RPL39L: variants seen among roughly 807,000 people sequenced by gnomAD.
RPL39L encodes the protein ribosomal protein L39 like.
For synonymous variants in RPL39L, 16 were observed against 20.1 expected (o/e 0.80, Z 0.55); for missense variants, 48 against 58.9 (o/e 0.81, Z 0.61).
chr3:187,122,636 T>C (rs920106610), intron 2 of RPL39L, among the ~76,000 whole-genome samples: 2 of 152,232 alleles, frequency 1.3e-5, no homozygotes, highest in African/African-American at 4.8e-5. Context: ...GCTGTGAGGC[T>C]ACCGGCTTTT....
At chr3:187,138,963 G>A (rs1481090575) in intron 1 of RPL39L, among the ~76,000 whole-genome samples, 1 of 152,190 alleles carries the variant, frequency 6.6e-6, no homozygotes, top group Non-Finnish European at 1.5e-5. Flanking sequence ...GGAGGCTAAG[G>A]CGGGAGAATC....
intron 2 of RPL39L, among the ~76,000 whole-genome samples, chr3:187,125,901 T>C (rs933253551): frequency 3.3e-5 from 5 of 152,340 alleles, no homozygotes; most frequent in African/African-American, 9.6e-5. Context: ...CTCTGCACTT[T>C]GTGAGGCTTT....
chr3:187,133,892 C>A (rs1022660902), intron 1 of RPL39L, among the ~76,000 whole-genome samples: 2 of 152,176 alleles, frequency 1.3e-5, no homozygotes, highest in Admixed American at 1.3e-4. Context: ...CAAGACCCCA[C>A]ATTACTGACC....
chr3:187,129,552 C>T (rs530749832), intron 1 of RPL39L, among the ~76,000 whole-genome samples: 1 of 152,354 alleles, frequency 6.6e-6, no homozygotes, highest in African/African-American at 2.4e-5. Context: ...GACATCCTCA[C>T]TCAGTTCTTT....
intron 1 of RPL39L, among the ~76,000 whole-genome samples, chr3:187,132,357 T>C (rs184940874): frequency 2.0e-3 from 307 of 152,368 alleles, no homozygotes; most frequent in African/African-American, 7.1e-3. Context: ...CAAAAATCTA[T>C]GAAAGATGCT....
rs1720298223 is a variant in RPL39L at position 187,121,029 on chromosome 3, T to A, written c.*116A>T. 5.2e-6 allele frequency: 6 copies of A among 1,153,494 alleles called. No homozygotes were observed. The highest frequency in any genetic ancestry group is 7.6e-6 in the Non-Finnish European group (6 of 792,072). The allele number at this position is 1,153,494 out of a possible 1,614,324, so 71.5% of individuals were successfully genotyped here. On this transcript the variant is annotated 3_prime_UTR_variant, in exon 3 of 3. Coordinates refer to ENST00000296277, the MANE Select transcript of RPL39L (RefSeq NM_052969.3). The stretch of plus-strand genomic sequence containing the variant: ...GCATACAGAAAAACAGAAAAAAATA[T>A]TCCCAGTAAAACATGTGCAACTGTC...
At chr3:187,125,143 C>T (rs1720376507) in intron 2 of RPL39L, among the ~76,000 whole-genome samples, 1 of 152,114 alleles carries the variant, frequency 6.6e-6, no homozygotes, top group South Asian at 2.1e-4. Context: ...TACGATATGT[C>T]TATAAGGAAG....
intron 1 of RPL39L, among the ~76,000 whole-genome samples, chr3:187,130,474 TG>T (rs1311626366): frequency 6.6e-6 from 1 of 152,158 alleles, no homozygotes; most frequent in Admixed American, 6.5e-5. Flanking sequence ...CTTGTGAGTC[TG>T]GTCATTTAAA....
At chr3:187,139,157 C>G (rs1292149819) in intron 1 of RPL39L, 56 bp downstream of exon 1, 1 of 152,708 alleles carries the variant, frequency 6.5e-6, no homozygotes, top group African/African-American at 2.4e-5. Flanking sequence ...CTCACGCCGC[C>G]CTGCTCGTTG....
intron 1 of RPL39L, among the ~76,000 whole-genome samples, chr3:187,128,554 T>C (rs1314815396): frequency 7.9e-5 from 12 of 152,222 alleles, no homozygotes; most frequent in African/African-American, 2.9e-4. Flanking sequence ...CTGTTGTCCA[T>C]GCTGGAGCAG....
intron 1 of RPL39L, among the ~76,000 whole-genome samples, chr3:187,138,755 G>A (rs1028825238): frequency 1.3e-5 from 2 of 152,108 alleles, no homozygotes; most frequent in African/African-American, 4.8e-5. Flanking sequence ...GTGCCTGAGT[G>A]GCCTCCAGAA....
chr3:187,130,621 G>C (rs1043926985), intron 1 of RPL39L, among the ~76,000 whole-genome samples: 1 of 152,306 alleles, frequency 6.6e-6, no homozygotes, highest in African/African-American at 2.4e-5. Context: ...AGATGCTAGT[G>C]CTATGCTTCC....
At chr3:187,133,468 G>A (rs961920928) in intron 1 of RPL39L, among the ~76,000 whole-genome samples, 2 of 152,116 alleles carry the variant, frequency 1.3e-5, no homozygotes, top group African/African-American at 4.8e-5. Flanking sequence ...CCCCAGCCAT[G>A]TGGAACTGGT....
chr3:187,138,949 C>T lies in RPL39L; in HGVS notation c.-93+264G>A, dbSNP rs184836346. Among the ~76,000 whole-genome samples the T allele has an allele frequency of 6.3e-3, 966 of 152,298 alleles. 7 individuals are homozygous for T. Among genetic ancestry groups the T allele is most frequent in the Non-Finnish European group, 0.011 (766 of 68,018 alleles). Reference sequence around the variant, plus strand: ...TGGCGCGCGCCTGTAACCCCAGCTACTCAGGAGGCTAAGGCGGGAGAATCG... The same window carrying T: ...TGGCGCGCGCCTGTAACCCCAGCTATTCAGGAGGCTAAGGCGGGAGAATCG... On this transcript the variant is annotated intron_variant, in intron 1 of 2. Coordinates refer to ENST00000296277, the MANE Select transcript of RPL39L (RefSeq NM_052969.3).
chr3:187,138,150 T>C (rs1720617485), intron 1 of RPL39L, among the ~76,000 whole-genome samples: 1 of 152,132 alleles, frequency 6.6e-6, no homozygotes, highest in South Asian at 2.1e-4. Flanking sequence ...CTTTTAACTA[T>C]ATTTTTATAT....
chr3:187,133,281 G>C (rs980062362), intron 1 of RPL39L, among the ~76,000 whole-genome samples: 1 of 152,174 alleles, frequency 6.6e-6, no homozygotes, highest in Non-Finnish European at 1.5e-5. Context: ...CCTGGTAGGA[G>C]GTGATTGGAT....
At chr3:187,129,925 G>A (rs1274490982) in intron 1 of RPL39L, among the ~76,000 whole-genome samples, 2 of 147,204 alleles carry the variant, frequency 1.4e-5, no homozygotes, top group Non-Finnish European at 3.0e-5. Flanking sequence ...GAGCTGTATT[G>A]TATCATCTAG....
At chr3:187,131,291 C>A (rs1005661998) in intron 1 of RPL39L, among the ~76,000 whole-genome samples, 1 of 152,074 alleles carries the variant, frequency 6.6e-6, no homozygotes, top group African/African-American at 2.4e-5. Context: ...GAGGCAGGCA[C>A]ATCACCTGCC....
chr3:187,122,388 A>AC (rs1553843108), intron 2 of RPL39L, among the ~76,000 whole-genome samples: 47 of 151,486 alleles, frequency 3.1e-4, no homozygotes, highest in African/African-American at 1.1e-3. Flanking sequence ...TGACAAAGGC[A>AC]TTTTTTTTTA....
Sources: allele counts gnomAD v4.1 joint callset (sites outside exome capture counted in the v4.1 genomes callset), GRCh38; gene constraint gnomAD v4.1.1; transcripts MANE v1.5; gene names NCBI Gene and HGNC (gene_info 2026-07-23, HGNC 2026-07-21).